KAT2B: variants seen among roughly 807,000 people sequenced by gnomAD.
The protein encoded by KAT2B is lysine acetyltransferase 2B, also known as histone acetyltransferase KAT2B.
KAT2B carries 36 observed loss-of-function variants against 105.9 expected under a neutral mutation model. That is an observed-to-expected ratio of 0.34 (90% CI 0.26 to 0.45). The LOEUF is 0.45. Among genes scored for constraint, KAT2B ranks in the 20% least tolerant of loss-of-function variants. KAT2B has a pLI of 1.00. For missense variants in KAT2B, 820 were observed against 1,021.6 expected (o/e 0.80, Z 2.69); for synonymous variants, 397 against 377.9 (o/e 1.05, Z -0.59).
rs1353045773 is a variant in KAT2B at position 20,125,982 on chromosome 3, C to T, written c.1491C>T (p.His497=). ...LEERRGVIEF[H]VVGNSLNQKP... ...AGCGCAGGGGTGTAATTGAATTTCA[C>T]GTGGTTGGCAATTCCCTCAACCAGA... Residue 497 remains histidine (H), a synonymous_variant, in exon 10 of 18, where the codon CAC becomes CAT. Coordinates refer to ENST00000263754, the MANE Select transcript of KAT2B (RefSeq NM_003884.5). 4.3e-6 allele frequency: 7 copies of T among 1,613,964 alleles called. No individual in the cohort carries two copies. Among genetic ancestry groups the T allele is most frequent in the Non-Finnish European group, 5.9e-6 (7 of 1,179,956 alleles).
At chr3:20,105,721 C>T (rs913968110) in intron 5 of KAT2B, among the ~76,000 whole-genome samples, 2 of 148,620 alleles carry the variant, frequency 1.3e-5, no homozygotes, top group Admixed American at 6.8e-5. Context: ...TGCTTGAGCC[C>T]GGGAGGTCAA....
At chr3:20,065,358 C>T (rs1161692559) in intron 1 of KAT2B, among the ~76,000 whole-genome samples, 5 of 152,158 alleles carry the variant, frequency 3.3e-5, no homozygotes, top group Non-Finnish European at 5.9e-5. Context: ...GGCCAACTCC[C>T]TTGGGAGTTC....
At chr3:20,118,237 A>G (rs934764459) in intron 7 of KAT2B, among the ~76,000 whole-genome samples, 8 of 146,796 alleles carry the variant, frequency 5.4e-5, no homozygotes, top group Non-Finnish European at 1.2e-4. Context: ...ATATGTAAAT[A>G]TATTTACATT....
chr3:20,054,325 TA>T (rs1245908175), intron 1 of KAT2B, among the ~76,000 whole-genome samples: 2 of 151,766 alleles, frequency 1.3e-5, no homozygotes, highest in African/African-American at 4.8e-5. Flanking sequence ...GACGGGGTTT[TA>T]CCATCTTGGC....
At chr3:20,106,362 G>A (rs1181618937) in intron 5 of KAT2B, among the ~76,000 whole-genome samples, 1 of 152,166 alleles carries the variant, frequency 6.6e-6, no homozygotes, top group Non-Finnish European at 1.5e-5. Flanking sequence ...ATGTGCTCAT[G>A]CACGTCCGTT....
At chr3:20,135,420 C>T (rs932415280) in intron 11 of KAT2B, among the ~76,000 whole-genome samples, 32 of 152,036 alleles carry the variant, frequency 2.1e-4, no homozygotes, top group Admixed American at 1.2e-3. Flanking sequence ...TTTGGGAGGC[C>T]GAGACGGGCA....
At chr3:20,076,903 C>T (rs1698430282) in intron 2 of KAT2B, among the ~76,000 whole-genome samples, 1 of 152,192 alleles carries the variant, frequency 6.6e-6, no homozygotes, top group Non-Finnish European at 1.5e-5. Flanking sequence ...AGTAATTGTA[C>T]ACACGAAATG....
intron 2 of KAT2B, among the ~76,000 whole-genome samples, chr3:20,095,003 A>G (rs991375782): frequency 6.6e-6 from 1 of 152,166 alleles, no homozygotes; most frequent in African/African-American, 2.4e-5. Flanking sequence ...TAAAATATAC[A>G]TTATTTGCAT....
At chr3:20,048,894 C>T (rs754175441) in intron 1 of KAT2B, among the ~76,000 whole-genome samples, 11 of 152,048 alleles carry the variant, frequency 7.2e-5, no homozygotes, top group African/African-American at 1.2e-4. Flanking sequence ...TTTTTTGAGA[C>T]GGAGTCTTGC....
chr3:20,105,467 G>C (rs913694107), intron 5 of KAT2B, among the ~76,000 whole-genome samples: 6 of 152,116 alleles, frequency 3.9e-5, no homozygotes, highest in African/African-American at 1.4e-4. Flanking sequence ...CCCCACACTG[G>C]GGAGATGTTT....
chr3:20,087,646 G>C (rs1253395640), intron 2 of KAT2B, among the ~76,000 whole-genome samples: 1 of 152,098 alleles, frequency 6.6e-6, no homozygotes, highest in Non-Finnish European at 1.5e-5. Flanking sequence ...TCTGTGACCA[G>C]CATCTCTACC....
chr3:20,091,202 GA>G (rs1389500883), intron 2 of KAT2B, among the ~76,000 whole-genome samples: 4 of 152,030 alleles, frequency 2.6e-5, no homozygotes, highest in African/African-American at 9.7e-5. Flanking sequence ...AGTTTGTTCA[GA>G]TTTTCTATAT....
In KAT2B at chr3:20,075,936, C is replaced by T. The variant is rs190339755; in HGVS notation, c.430+3477C>T. On this transcript the variant is annotated intron_variant, in intron 2 of 17. Transcript: ENST00000263754. ...AAAAAAAAAAAAAATTTTTTTCATACGGCTTTATCTCTACACTTTCCCTCC... is the reference window on the plus strand; with the variant it reads ...AAAAAAAAAAAAAATTTTTTTCATATGGCTTTATCTCTACACTTTCCCTCC... Among the ~76,000 whole-genome samples, 729 of 150,942 alleles carry T rather than the reference C, an allele frequency of 4.8e-3. 5 individuals carry two copies. The highest frequency in any genetic ancestry group is 8.0e-3 in the Non-Finnish European group (544 of 67,734).
chr3:20,043,131 C>T (rs1429546351), intron 1 of KAT2B, among the ~76,000 whole-genome samples: 1 of 152,094 alleles, frequency 6.6e-6, no homozygotes, highest in Non-Finnish European at 1.5e-5. Flanking sequence ...TCTCAAACTC[C>T]TGAGCCCAAG....
intron 12 of KAT2B, 101 bp downstream of exon 12, chr3:20,137,153 T>G: frequency 3.0e-6 from 2 of 657,854 alleles, no homozygotes; most frequent in Non-Finnish European, 5.5e-6. Context: ...GTTTTCTACT[T>G]ATAAGAACAG....
At chr3:20,073,499 A>G (rs1298747931) in intron 2 of KAT2B, among the ~76,000 whole-genome samples, 1 of 152,234 alleles carries the variant, frequency 6.6e-6, no homozygotes, top group Non-Finnish European at 1.5e-5. Flanking sequence ...GCATACAAGT[A>G]GATAATGTGA....
At chr3:20,140,508 T>C (rs1487961890) in intron 13 of KAT2B, 144 bp downstream of exon 13, 1 of 779,980 alleles carries the variant, frequency 1.3e-6, no homozygotes, top group African/African-American at 1.7e-5. Flanking sequence ...CTTCTCTCTC[T>C]CTTTTTTGAC....
intron 1 of KAT2B, among the ~76,000 whole-genome samples, chr3:20,049,714 A>T (rs1697881262): frequency 6.6e-6 from 1 of 152,210 alleles, no homozygotes; most frequent in South Asian, 2.1e-4. Flanking sequence ...AAAGTAAACA[A>T]AATAAGCATT....
intron 3 of KAT2B, among the ~76,000 whole-genome samples, chr3:20,098,517 A>G (rs970322307): frequency 6.6e-6 from 1 of 152,214 alleles, no homozygotes; most frequent in Admixed American, 6.5e-5. Flanking sequence ...GCCTGCTGCT[A>G]TTAAGAACTT....
Sources: gnomAD v4.1 joint callset for allele counts (sites outside exome capture counted in the v4.1 genomes callset) on GRCh38, gnomAD v4.1.1 for gene constraint, MANE v1.5 for transcripts, NCBI Gene and HGNC (gene_info 2026-07-23, HGNC 2026-07-21) for gene names.